Variants in SYNE2 observed in about 807,000 individuals in gnomAD.
SYNE2 encodes the protein spectrin repeat containing nuclear envelope protein 2, also known as nesprin-2.
Under a neutral mutation model 856.3 loss-of-function variants are expected in SYNE2, and 431 were observed. That is an observed-to-expected ratio of 0.50 (90% CI 0.47 to 0.55). The LOEUF (loss-of-function observed/expected upper bound fraction) is 0.55. SYNE2 is among the 20% of genes least tolerant of loss of function. The pLI is 0.00. For missense variants in SYNE2, 8,129 were observed against 8,023.2 expected (o/e 1.01, Z -0.50); for synonymous variants, 2,923 against 2,872.3 (o/e 1.02, Z -0.56).
intron 33 of SYNE2, 126 bp from the exon 34 acceptor site, chr14:64,017,469 A>T: frequency 1.4e-6 from 1 of 720,320 alleles, no homozygotes; most frequent in Non-Finnish European, 2.3e-6. Context: ...ATTTTTGTTG[A>T]TGAATAAAGC....
intron 66 of SYNE2, 121 bp downstream of exon 66, chr14:64,113,692 T>A: frequency 1.8e-6 from 2 of 1,107,068 alleles, no homozygotes; most frequent in Non-Finnish European, 2.6e-6. Context: ...TACATTTATC[T>A]TGGCCTCAGC....
At chr14:63,940,230 A>AT (rs1402262837) in intron 2 of SYNE2, among the ~76,000 whole-genome samples, 1 of 151,692 alleles carries the variant, frequency 6.6e-6, no homozygotes, top group Non-Finnish European at 1.5e-5. Context: ...TAATTTTTGT[A>AT]TTTTTTGTAA....
chr14:63,977,203 A>G (rs1311043755), intron 12 of SYNE2, among the ~76,000 whole-genome samples: 1 of 152,188 alleles, frequency 6.6e-6, no homozygotes, highest in Admixed American at 6.5e-5. Flanking sequence ...TTCAGATTTA[A>G]AACATTTATG....
chr14:63,992,069 G>A (rs921153756), intron 21 of SYNE2, among the ~76,000 whole-genome samples: 1 of 151,898 alleles, frequency 6.6e-6, no homozygotes, highest in Admixed American at 6.6e-5. Context: ...ATCTCACGCC[G>A]TTTGAATTTT....
rs373784533 is a variant in SYNE2 at position 64,052,947 on chromosome 14, T to G, written c.9034T>G (p.Trp3012Gly). 15 of 1,610,732 alleles carry G rather than the reference T, an allele frequency of 9.3e-6. No individual in the cohort carries two copies. Among genetic ancestry groups the G allele is most frequent in the Non-Finnish European group, 1.3e-5 (15 of 1,179,292 alleles). Residue 3012 changes from tryptophan to glycine, a missense_variant, in exon 48 of 116, where the codon TGG (tryptophan) becomes GGG (glycine). By Grantham distance (184) the Trp-to-Gly change is radical. Around this residue, in one of 3 missense-constraint regions of SYNE2, gnomAD observed 5,410 missense variants for 5,284.8 expected, o/e 1.02. Transcript: ENST00000555002. ...KKVFDYIGLN[W>G]DFSQLDQLQT... Reference sequence around the variant, plus strand: ...AGTGTTTGACTATATTGGACTAAACTGGGATTTTTCACAACTTGACCAATT... The same window carrying G: ...AGTGTTTGACTATATTGGACTAAACGGGGATTTTTCACAACTTGACCAATT...
intron 2 of SYNE2, among the ~76,000 whole-genome samples, chr14:63,932,653 G>A (rs2095776841): frequency 6.6e-6 from 1 of 152,184 alleles, no homozygotes; most frequent in South Asian, 2.1e-4. Context: ...GCAGTGAGCT[G>A]TGATTGTGCC....
intron 8 of SYNE2, among the ~76,000 whole-genome samples, chr14:63,958,834 C>T (rs1294705335): frequency 6.6e-6 from 1 of 152,172 alleles, no homozygotes; most frequent in Non-Finnish European, 1.5e-5. Context: ...ATATTTTACA[C>T]TCTTAGTTGT....
intron 54 of SYNE2, among the ~76,000 whole-genome samples, chr14:64,076,687 A>G (rs770257770): frequency 1.3e-5 from 2 of 152,008 alleles, no homozygotes; most frequent in African/African-American, 4.8e-5. Context: ...TTGTAGAAAG[A>G]CAGCCCATAT....
At chr14:63,937,417 C>A (rs975107869) in intron 2 of SYNE2, among the ~76,000 whole-genome samples, 1 of 152,066 alleles carries the variant, frequency 6.6e-6, no homozygotes. Flanking sequence ...AATGTTCTTG[C>A]GTTGGAGCAC....
intron 57 of SYNE2, among the ~76,000 whole-genome samples, chr14:64,082,659 T>G (rs957051755): frequency 5.9e-5 from 9 of 152,198 alleles, no homozygotes; most frequent in African/African-American, 2.2e-4. Flanking sequence ...ACTGCATCCT[T>G]GTGGCTCCCT....
At chr14:64,211,184 G>A (rs1253182046) in intron 103 of SYNE2, among the ~76,000 whole-genome samples, 1 of 152,170 alleles carries the variant, frequency 6.6e-6, no homozygotes, top group Non-Finnish European at 1.5e-5. Context: ...TCACTATGTT[G>A]CCCAGGCTGG....
At position 63,974,892 on chromosome 14, in the gene SYNE2, G is replaced by GTA. The variant is rs145247655; in HGVS notation, c.1129-1647_1129-1646dup. Among the ~76,000 whole-genome samples, 167 of 67,276 alleles carry GTA rather than the reference G, an allele frequency of 2.5e-3. 4 individuals are homozygous for GTA. The highest frequency in any genetic ancestry group is 3.1e-3 in the Non-Finnish European group (100 of 32,186). The allele number at this position is 67,276 out of a possible 152,430, so 44.1% of individuals were successfully genotyped here. Reference sequence around the variant, plus strand: ...TGTGTGTGTGTGTGTGTGTGTGTGTGTATATATATATATATATATATATAT... The same window carrying GTA: ...TGTGTGTGTGTGTGTGTGTGTGTGTGTATATATATATATATATATATATATAT... On this transcript the variant is annotated intron_variant, in intron 11 of 115. Coordinates refer to ENST00000555002, the MANE Select transcript of SYNE2 (RefSeq NM_182914.3).
intron 1 of SYNE2, among the ~76,000 whole-genome samples, chr14:63,823,481 T>C (rs1284457867): frequency 1.3e-5 from 2 of 151,870 alleles, no homozygotes; most frequent in African/African-American, 4.8e-5. Context: ...CCAGCCCAAG[T>C]CTACCAAATT....
Position 64,098,801 on chromosome 14 carries a change from G to C in SYNE2, c.12361G>C (p.Glu4121Gln). The change falls in exon 63 of 116, where the codon GAA (glutamate) becomes CAA (glutamine). Residue 4121 changes from glutamate (E) to glutamine (Q), a missense_variant. Physicochemically the swap from Glu to Gln is conservative, Grantham distance 29. Coordinates refer to ENST00000555002, the MANE Select transcript of SYNE2 (RefSeq NM_182914.3). ...YLAAVEEEVE[E>Q]SSVKSDNGDE... ...GGCAGCAGTCGAGGAAGAGGTGGAA[G>C]AAAGTTCCGTGAAGAGCGATGTAAG... is the stretch of plus-strand genomic sequence containing the variant. 3 of 1,614,178 alleles carry C rather than the reference G, an allele frequency of 1.9e-6. No homozygotes were observed. In the South Asian group the frequency reaches 3.3e-5, roughly 18 times the overall value.
At chr14:64,084,847 T>A in intron 57 of SYNE2, 1 of 652,208 alleles carries the variant, frequency 1.5e-6, no homozygotes, top group Non-Finnish European at 2.8e-6. Flanking sequence ...GGTCAAGGTG[T>A]CGACAAAGGC....
rs1555483884 is a variant in SYNE2, at chr14:64,100,531, A to AT, written c.12382-1401_12382-1400insT. Among the ~76,000 whole-genome samples, 291 of 39,144 alleles carry AT rather than the reference A, an allele frequency of 7.4e-3. 1 individual carries two copies. Among genetic ancestry groups the AT allele is most frequent in the Non-Finnish European group, 0.01 (214 of 21,242 alleles). The allele number at this position is 39,144 out of a possible 152,430, so 25.7% of individuals were successfully genotyped here. A position where few individuals can be genotyped will look rare whatever the true frequency, so the allele number is the denominator to read the frequency against. On this transcript the variant is annotated intron_variant, in intron 63 of 115. Coordinates refer to ENST00000555002, the MANE Select transcript of SYNE2 (RefSeq NM_182914.3). Reference sequence around the variant, plus strand: ...AACTGTCTCAAAAAAAAAAAAAAAAAATATATATATATATATATATATATA... The same window carrying AT: ...AACTGTCTCAAAAAAAAAAAAAAAAATATATATATATATATATATATATATA...
At chr14:63,766,290 G>A (rs1411844424) in intron 1 of SYNE2, among the ~76,000 whole-genome samples, 2 of 152,024 alleles carry the variant, frequency 1.3e-5, no homozygotes, top group Non-Finnish European at 2.9e-5. Context: ...ATGTTGGCCA[G>A]GCTGGTCTTG....
intron 97 of SYNE2, among the ~76,000 whole-genome samples, chr14:64,187,439 A>C (rs1032484702): frequency 1.3e-5 from 2 of 152,234 alleles, no homozygotes; most frequent in African/African-American, 2.4e-5. Context: ...TAAGGTAGAC[A>C]GGAAGACTGG....
At chr14:63,920,150 A>G (rs1257468618) in intron 2 of SYNE2, among the ~76,000 whole-genome samples, 2 of 152,036 alleles carry the variant, frequency 1.3e-5, no homozygotes, top group African/African-American at 2.4e-5. Context: ...GGGTTAGTAC[A>G]TGGCACATCC....
Sources: allele counts gnomAD v4.1 joint callset (sites outside exome capture counted in the v4.1 genomes callset), GRCh38; gene constraint gnomAD v4.1.1; regional missense constraint gnomAD v4.1.1; transcripts MANE v1.5; gene names NCBI Gene and HGNC (gene_info 2026-07-23, HGNC 2026-07-21).